The following LAMP2 variants were observed in gnomAD, a reference collection of about 807,000 sequenced individuals.
LAMP2 encodes lysosome associated membrane protein 2, also known as lysosome-associated membrane glycoprotein 2.
In LAMP2, 4 loss-of-function variants were observed where a neutral mutation model predicts 25.6. The ratio of observed to expected loss-of-function variants is 0.16; its 90% CI spans 0.08 to 0.36. The LOEUF (loss-of-function observed/expected upper bound fraction) is 0.36. Among genes scored for constraint, LAMP2 ranks in the 10% least tolerant of loss-of-function variants. LAMP2 has a pLI of 1.00. For missense variants in LAMP2, 272 were observed against 301.4 expected (o/e 0.90, Z 0.72); for synonymous variants, 108 against 112.7 (o/e 0.96, Z 0.27).
rs3180515 is a variant in LAMP2, at chrX:120,469,138, C to A, written c.32G>T (p.Gly11Val). MVCFRLFPVP[G>V]SGLVLVCLVL... is the part of the protein sequence containing the mutation. ...TAGGCAGACCAGAACGAGCCCTGAGCCCGGAACCGGGAAGAGGCGGAAGCA... is the reference window on the plus strand; with the variant it reads ...TAGGCAGACCAGAACGAGCCCTGAGACCGGAACCGGGAAGAGGCGGAAGCA... Residue 11 changes from glycine (G) to valine (V), a missense_variant, in exon 1 of 9, where the codon GGC becomes GTC. Transcript: ENST00000200639. The A allele has an allele frequency of 6.6e-6, 8 of 1,212,289 alleles. No individual in the cohort carries two copies. Among genetic ancestry groups the A allele is most frequent in the Non-Finnish European group, 8.9e-6 (8 of 895,593 alleles).
At chrX:120,438,980 AAGTCAGGCAACTAATT>A (rs2058559360) in intron 8 of LAMP2, 1 of 1,048,412 alleles carries the variant, frequency 9.5e-7, no homozygotes, top group Admixed American at 4.0e-5. Flanking sequence ...GGAAAAACCA[AAGTCAGGCAACTAATT>A]TGTAGTTGAT....
intron 8 of LAMP2, chrX:120,438,868 G>C (rs1437562281): frequency 1.2e-6 from 1 of 852,052 alleles, no homozygotes; most frequent in Non-Finnish European, 1.4e-6. Flanking sequence ...TGTCTAAAAT[G>C]AAAACACTGA....
At chrX:120,442,520 T>C in intron 7 of LAMP2, 79 bp downstream of exon 7, 1 of 816,136 alleles carries the variant, frequency 1.2e-6, no homozygotes, top group Non-Finnish European at 1.9e-6. Flanking sequence ...TAAGGCACTA[T>C]TTGGTAATAA....
chrX:120,454,936 T>TATATAG (rs1485454495), intron 3 of LAMP2, among the ~76,000 whole-genome samples: 1 of 96,617 alleles, frequency 1.0e-5, no homozygotes. Flanking sequence ...CACACTAGGA[T>TATATAG]ATATATATAT....
chrX:120,437,996 C>T, intron 8 of LAMP2: 1 of 215,061 alleles, frequency 4.6e-6, no homozygotes, highest in South Asian at 2.2e-4. Context: ...ACTGGGATTA[C>T]AGGCGCCCAC....
intron 8 of LAMP2, among the ~76,000 whole-genome samples, chrX:120,433,450 T>C (rs767711510): frequency 8.9e-6 from 1 of 111,945 alleles, no homozygotes; most frequent in South Asian, 3.7e-4. Context: ...GAAACAGCCA[T>C]TAGCAATTGA....
chrX:120,455,649 T>G, intron 2 of LAMP2, 79 bp from the exon 3 acceptor site: 1 of 764,566 alleles, frequency 1.3e-6, no homozygotes, highest in Non-Finnish European at 2.0e-6. Flanking sequence ...GCATGCCACT[T>G]CAGCCTAAAT....
intron 1 of LAMP2, among the ~76,000 whole-genome samples, chrX:120,457,001 T>C (rs992434398): frequency 8.1e-5 from 9 of 111,088 alleles, no homozygotes; most frequent in Admixed American, 1.9e-4. Context: ...CAGAATCCTA[T>C]TGATAAAAAA....
At chrX:120,454,019 A>T (rs186006792) in intron 3 of LAMP2, among the ~76,000 whole-genome samples, 1 of 111,298 alleles carries the variant, frequency 9.0e-6, no homozygotes, top group Admixed American at 9.6e-5. Context: ...ACCCATGGTC[A>T]ATTGAGCTCT....
intron 3 of LAMP2, 95 bp downstream of exon 3, chrX:120,455,262 G>T: frequency 1.3e-6 from 1 of 743,586 alleles, no homozygotes; most frequent in Non-Finnish European, 2.0e-6. Flanking sequence ...ATGCTAGTTA[G>T]GAAGACAGAC....
chrX:120,469,006 C>A, intron 1 of LAMP2, 100 bp downstream of exon 1: 1 of 976,761 alleles, frequency 1.0e-6, no homozygotes, highest in Non-Finnish European at 1.5e-6. Flanking sequence ...TGCTGAGCCT[C>A]TCAACCCCCT....
intron 6 of LAMP2, among the ~76,000 whole-genome samples, chrX:120,443,004 C>G (rs2058580547): frequency 9.0e-6 from 1 of 111,245 alleles, no homozygotes; most frequent in Non-Finnish European, 1.9e-5. Context: ...TGCCTTTCAG[C>G]CCCTCCAGTC....
chrX:120,466,840 CTTTTT>C (rs916102893), intron 1 of LAMP2, among the ~76,000 whole-genome samples: 3 of 81,540 alleles, frequency 3.7e-5, no homozygotes, highest in Non-Finnish European at 2.2e-5. Context: ...CAAATAACTT[CTTTTT>C]TTTTTTTTTT....
intron 3 of LAMP2, among the ~76,000 whole-genome samples, chrX:120,452,713 C>CTTT (rs768340777): frequency 4.6e-4 from 31 of 67,661 alleles, no homozygotes; most frequent in Non-Finnish European, 5.7e-4. Flanking sequence ...CCACACCTGG[C>CTTT]TTTTTTTTTT....
Position 120,429,674 on chromosome X carries a change from G to A in LAMP2, c.*1649C>T. 1 of 752,991 alleles carries A rather than the reference G, an allele frequency of 1.3e-6. No individual in the cohort carries two copies. Among genetic ancestry groups the A allele is most frequent in the African/African-American group, 2.3e-5 (1 of 43,527 alleles). The allele number at this position is 752,991 out of a possible 1,213,427, so 62.1% of individuals were successfully genotyped here. ...ACGGAAGCCCAAAGTGCCCAATTCT[G>A]ATCTCATAATTTCAAGTGTAAACCA... On this transcript the variant is annotated 3_prime_UTR_variant, in exon 9 of 9. Transcript: ENST00000200639.
rs778330920 is a variant in LAMP2, at chrX:120,429,175, T to TATAC, written c.*2147_*2148insGTAT. On this transcript the variant is annotated 3_prime_UTR_variant, in exon 9 of 9. Transcript: ENST00000200639. The stretch of plus-strand genomic sequence containing the variant: ...GTGTGTGTGTACATATATATATATA[T>TATAC]ACACACACACACAATTATTTTTAGC... The TATAC allele has an allele frequency of 1.1e-5, 8 of 715,764 alleles. No homozygotes were observed. In the African/African-American group the frequency reaches 2.3e-4, roughly 20 times the overall value. 59.0% of individuals were successfully genotyped at this position (715,764 alleles called of 1,213,427 possible).
chrX:120,467,623 C>T (rs1425568636), intron 1 of LAMP2, among the ~76,000 whole-genome samples: 1 of 112,116 alleles, frequency 8.9e-6, no homozygotes, highest in East Asian at 2.8e-4. Context: ...TGGGTAGCAA[C>T]AAGCACAGCA....
chrX:120,434,188 T>C (rs1023724937), intron 8 of LAMP2, among the ~76,000 whole-genome samples: 1 of 112,063 alleles, frequency 8.9e-6, no homozygotes, highest in Non-Finnish European at 1.9e-5. Context: ...TAAAAATTCA[T>C]TAGTAGATTA....
rs2058520508 is a variant in LAMP2, at chrX:120,430,985, TTTA to T, written c.*335_*337del. ...ATTCCATTAAGACACAACTACATAT[TTTA>T]TTCTTATAATGGCCATGTTAATAAG... On this transcript the variant is annotated 3_prime_UTR_variant, in exon 9 of 9. Coordinates refer to ENST00000200639, the MANE Select transcript of LAMP2 (RefSeq NM_002294.3). 1.2e-6 allele frequency: 1 copy of T among 850,208 alleles called. No individual in the cohort carries two copies. The highest frequency in any genetic ancestry group is 2.1e-5 in the African/African-American group (1 of 46,737). 70.1% of individuals were successfully genotyped at this position (850,208 alleles called of 1,213,427 possible). A position where few individuals can be genotyped will look rare whatever the true frequency, so the allele number is the denominator to read the frequency against.
Sources: allele counts gnomAD v4.1 joint callset (sites outside exome capture counted in the v4.1 genomes callset), GRCh38; gene constraint gnomAD v4.1.1; transcripts MANE v1.5; gene names NCBI Gene and HGNC (gene_info 2026-07-23, HGNC 2026-07-21).